The following RASSF4 variants were observed in gnomAD, a reference collection of about 807,000 sequenced individuals.
RASSF4 encodes the protein Ras association domain family member 4, also known as ras association domain-containing protein 4.
RASSF4 carries 38 observed loss-of-function variants against 41.1 expected under a neutral mutation model. The observed-to-expected ratio is 0.92, with a 90% confidence interval of 0.71 to 1.21. The LOEUF (loss-of-function observed/expected upper bound fraction) is 1.21. RASSF4 is among the 50% of genes most tolerant of loss of function. The probability of loss-of-function intolerance (pLI) is 0.00; values close to 1 mark genes in which losing one functional copy is unlikely to be tolerated. For missense variants in RASSF4, 414 were observed against 419.4 expected (o/e 0.99, Z 0.11); for synonymous variants, 179 against 163.4 (o/e 1.10, Z -0.73).
At position 44,991,949 on chromosome 10, in the gene RASSF4, T is replaced by C. The variant is rs1842128834; in HGVS notation, c.852T>C (p.Phe284=). Residue 284 remains phenylalanine (F), a synonymous_variant, in exon 10 of 11, where the codon TTT becomes TTC. Coordinates refer to ENST00000340258, the MANE Select transcript of RASSF4 (RefSeq NM_032023.4). The stretch of plus-strand genomic sequence containing the variant: ...TTGAAATGCCGGTGCTGGACAGTTT[T>C]GTTGAAAAATTAAAAGAAGAGGAAG... The part of the protein sequence containing the change: ...IKFEMPVLDS[F]VEKLKEEEER... 1 of 1,613,668 alleles carries C rather than the reference T, an allele frequency of 6.2e-7. No individual in the cohort carries two copies. The highest frequency in any genetic ancestry group is 1.1e-5 in the South Asian group (1 of 91,078).
At chr10:44,977,203 C>T (rs547628077) in intron 3 of RASSF4, 2 of 682,042 alleles carry the variant, frequency 2.9e-6, no homozygotes, top group African/African-American at 3.6e-5. Flanking sequence ...TTGGTAACAT[C>T]TCCTCATGTG....
chr10:44,989,307 A>G lies in RASSF4; in HGVS notation c.565A>G (p.Thr189Ala). The G allele has an allele frequency of 6.2e-7, 1 of 1,613,916 alleles. No homozygotes were observed. The highest frequency in any genetic ancestry group is 1.1e-5 in the South Asian group (1 of 91,062). ...SVFTPAYGSV[T>A]NVRVNSTMTT... ...GTTTACTCCAGCCTATGGATCCGTG[A>G]CCAATGTGAGGGTCAACAGCACCAT... Residue 189 changes from threonine (T) to alanine (A), a missense_variant, in exon 7 of 11, where the codon ACC becomes GCC. Transcript: ENST00000340258.
intron 1 of RASSF4, among the ~76,000 whole-genome samples, chr10:44,962,613 G>A (rs1026411188): frequency 6.6e-5 from 10 of 152,208 alleles, no homozygotes; most frequent in Non-Finnish European, 1.5e-5. Flanking sequence ...AGAGGGGTCT[G>A]CCCCTCTGCA....
intron 3 of RASSF4, among the ~76,000 whole-genome samples, chr10:44,975,411 T>C (rs968636254): frequency 4.7e-5 from 7 of 150,332 alleles, no homozygotes; most frequent in Non-Finnish European, 7.4e-5. Context: ...ACTCACTCCC[T>C]TCTTCGCCTC....
At chr10:44,982,801 T>A (rs1841771450) in intron 4 of RASSF4, 138 bp downstream of exon 4, 5 of 935,786 alleles carry the variant, frequency 5.3e-6, no homozygotes, top group Middle Eastern at 2.3e-4. Flanking sequence ...CCCCATGCCC[T>A]GTGACTGCCT....
At chr10:44,985,117 G>A (rs1255491168) in intron 6 of RASSF4, 147 bp downstream of exon 6, 12 of 775,356 alleles carry the variant, frequency 1.5e-5, no homozygotes, top group African/African-American at 3.5e-5. Flanking sequence ...TAACAGCCCC[G>A]TTTATGACCT....
intron 3 of RASSF4, chr10:44,982,042 G>A: frequency 5.5e-6 from 1 of 182,890 alleles, no homozygotes; most frequent in Non-Finnish European, 1.1e-5. Flanking sequence ...GAAGGGTGAG[G>A]CTGAGACACA....
chr10:44,993,154 G>GATGA (rs1473715157), intron 10 of RASSF4, 115 bp from the exon 11 acceptor site: 5 of 827,054 alleles, frequency 6.0e-6, no homozygotes, highest in Non-Finnish European at 9.8e-6. Flanking sequence ...GCAGAGGAGA[G>GATGA]ATGAGGCTGC....
At chr10:44,988,204 G>A (rs1429621800) in intron 6 of RASSF4, among the ~76,000 whole-genome samples, 1 of 152,076 alleles carries the variant, frequency 6.6e-6, no homozygotes, top group Non-Finnish European at 1.5e-5. Context: ...TTTCTAGGTG[G>A]GTAACTCTGA....
chr10:44,993,224 C>A (rs770176856), intron 10 of RASSF4, 45 bp from the exon 11 acceptor site: 8 of 1,577,614 alleles, frequency 5.1e-6, no homozygotes, highest in Non-Finnish European at 6.9e-6. Context: ...CACCTCCCTG[C>A]CCTGTCTGGC....
At chr10:44,965,482 A>G (rs1158021799) in intron 1 of RASSF4, among the ~76,000 whole-genome samples, 1 of 152,250 alleles carries the variant, frequency 6.6e-6, no homozygotes, top group Non-Finnish European at 1.5e-5. Context: ...AGAATACGTC[A>G]AAGAAATATA....
intron 1 of RASSF4, among the ~76,000 whole-genome samples, chr10:44,965,815 C>A (rs74750187): frequency 0.017 from 2,527 of 152,318 alleles, 73 homozygotes; most frequent in African/African-American, 0.057. Flanking sequence ...CCATCTGCAG[C>A]CTAGGACTCT....
chr10:44,977,867 T>A (rs1841516182), intron 3 of RASSF4: 1 of 1,611,640 alleles, frequency 6.2e-7, no homozygotes, highest in Non-Finnish European at 8.5e-7. Context: ...CGTGGCCTTG[T>A]CCAGCACAGA....
intron 8 of RASSF4, 90 bp from the exon 9 acceptor site, chr10:44,990,857 CT>C: frequency 7.1e-7 from 1 of 1,399,402 alleles, no homozygotes; most frequent in Non-Finnish European, 9.9e-7. Flanking sequence ...CCCTGCGCCC[CT>C]AGACGCACAT....
intron 3 of RASSF4, chr10:44,977,847 G>A (rs140664133): frequency 3.6e-4 from 574 of 1,607,270 alleles, no homozygotes; most frequent in Non-Finnish European, 4.5e-4. Context: ...GGCCTGGGTT[G>A]GCCCTGGGCC....
At position 44,995,523 on chromosome 10, in the gene RASSF4, G is replaced by GC. The variant is rs1842251210; in HGVS notation, c.*2196dup. The GC allele has an allele frequency of 1.3e-5, 2 of 152,228 alleles. No individual in the cohort carries two copies. The highest frequency in any genetic ancestry group is 4.1e-4 in the South Asian group (2 of 4,828). 9.4% of individuals were successfully genotyped at this position (152,228 alleles called of 1,614,324 possible). ...GAAAGTTATTACAATATTATTTAAG[G>GC]CCTTTTCGGATAAGTTCACTTTTAA... On this transcript the variant is annotated 3_prime_UTR_variant, in exon 11 of 11. Coordinates refer to ENST00000340258, the MANE Select transcript of RASSF4 (RefSeq NM_032023.4).
chr10:44,960,778 A>C (rs1319082289), intron 1 of RASSF4, among the ~76,000 whole-genome samples: 1 of 152,224 alleles, frequency 6.6e-6, no homozygotes, highest in Non-Finnish European at 1.5e-5. Flanking sequence ...ATTTGAACCC[A>C]AGCAGGTTAG....
intron 4 of RASSF4, 173 bp downstream of exon 4, chr10:44,982,836 G>T (rs1841772716): frequency 4.0e-6 from 3 of 747,244 alleles, no homozygotes; most frequent in South Asian, 1.6e-5. Flanking sequence ...GCCCAGGGTG[G>T]CCTCTCCCTC....
intron 1 of RASSF4, among the ~76,000 whole-genome samples, chr10:44,960,349 A>G (rs1376309428): frequency 1.3e-5 from 2 of 152,240 alleles, no homozygotes. Context: ...CCTCACAGCA[A>G]GTGAGAGTCC....
Sources: gnomAD v4.1 joint callset for allele counts (sites outside exome capture counted in the v4.1 genomes callset) on GRCh38, gnomAD v4.1.1 for gene constraint, MANE v1.5 for transcripts, NCBI Gene and HGNC (gene_info 2026-07-23, HGNC 2026-07-21) for gene names.